Variants in PRKD1 observed in about 807,000 individuals in gnomAD.
PRKD1 encodes protein kinase D1.
In PRKD1, 63 loss-of-function variants were observed where a neutral mutation model predicts 95.9. The observed-to-expected ratio is 0.66, with a 90% CI of 0.54 to 0.81. The LOEUF (loss-of-function observed/expected upper bound fraction) is 0.81. Among genes scored for constraint, PRKD1 ranks in the 30% least tolerant of loss-of-function variants. The probability of loss-of-function intolerance (pLI) is 0.00; values close to 1 mark genes in which losing one functional copy is unlikely to be tolerated. For missense variants in PRKD1, 1,048 were observed against 1,165.3 expected, an observed-to-expected ratio of 0.90 and a Z score of 1.47; for synonymous variants, 425 against 423.1, an observed-to-expected ratio of 1.00 and a Z score of -0.05.
At chr14:29,716,291 G>C (rs1248837566) in intron 2 of PRKD1, among the ~76,000 whole-genome samples, 1 of 152,172 alleles carries the variant, frequency 6.6e-6, no homozygotes, top group African/African-American at 2.4e-5. Context: ...TGTGTGAAGA[G>C]AGAAGCTTGA....
chr14:29,885,127 A>ATT lies in PRKD1; in HGVS notation c.264+42121_264+42122insAA, dbSNP rs1566654295. On this transcript the variant is annotated intron_variant, in intron 1 of 17. Transcript: ENST00000331968. ...AACAGAGCGAGACTCCATCTTTTAA[A>ATT]AAAAAAAAAAAAAAAAGAATTAGTA... Among the ~76,000 whole-genome samples the ATT allele has an allele frequency of 6.9e-3, 1,037 of 149,274 alleles. 9 individuals carry two copies. The highest frequency in any genetic ancestry group is 0.024 in the African/African-American group (979 of 40,610).
At chr14:29,712,980 C>A (rs1018599487) in intron 2 of PRKD1, among the ~76,000 whole-genome samples, 4 of 152,110 alleles carry the variant, frequency 2.6e-5, no homozygotes, top group Non-Finnish European at 5.9e-5. Context: ...TTCAGCTAGC[C>A]ATTTAGTAGC....
chr14:29,801,835 T>C (rs920630012), intron 1 of PRKD1, among the ~76,000 whole-genome samples: 2 of 152,288 alleles, frequency 1.3e-5, no homozygotes, highest in African/African-American at 4.8e-5. Context: ...ATCACAGGCA[T>C]GCGCCAACAC....
intron 1 of PRKD1, among the ~76,000 whole-genome samples, chr14:29,732,376 C>T (rs1886483674): frequency 6.6e-6 from 1 of 151,736 alleles, no homozygotes; most frequent in Non-Finnish European, 1.5e-5. Flanking sequence ...CTATTTCACA[C>T]ACAATGACCT....
At chr14:29,834,481 T>C (rs2139301780) in intron 1 of PRKD1, among the ~76,000 whole-genome samples, 1 of 152,262 alleles carries the variant, frequency 6.6e-6, no homozygotes, top group East Asian at 1.9e-4. Context: ...CATATATAAC[T>C]AAATTCTGGG....
At chr14:29,765,505 A>AT (rs1402431521) in intron 1 of PRKD1, among the ~76,000 whole-genome samples, 1 of 152,168 alleles carries the variant, frequency 6.6e-6, no homozygotes, top group Admixed American at 6.5e-5. Context: ...AGAAACACAT[A>AT]TGCTATAGAA....
At chr14:29,771,482 C>A (rs1197766765) in intron 1 of PRKD1, among the ~76,000 whole-genome samples, 1 of 152,096 alleles carries the variant, frequency 6.6e-6, no homozygotes, top group Admixed American at 6.5e-5. Flanking sequence ...AGGTGGTAAA[C>A]CTTGGTGGTG....
intron 1 of PRKD1, among the ~76,000 whole-genome samples, chr14:29,825,229 CA>C (rs1270571775): frequency 1.3e-5 from 2 of 151,970 alleles, no homozygotes; most frequent in African/African-American, 4.8e-5. Context: ...AATACTTACA[CA>C]GTCAAAAGGG....
At chr14:29,703,140 A>G (rs1884921708) in intron 2 of PRKD1, among the ~76,000 whole-genome samples, 1 of 152,114 alleles carries the variant, frequency 6.6e-6, no homozygotes, top group South Asian at 2.1e-4. Flanking sequence ...TTACCTCATC[A>G]ATATTTACCA....
chr14:29,596,276 T>G (rs545185093), intron 16 of PRKD1, among the ~76,000 whole-genome samples: 14 of 152,340 alleles, frequency 9.2e-5, no homozygotes, highest in African/African-American at 3.4e-4. Flanking sequence ...AAGAGATGTT[T>G]ACAAATGTAC....
At chr14:29,634,358 T>G (rs1880223503) in intron 8 of PRKD1, 60 bp downstream of exon 8, 2 of 1,611,812 alleles carry the variant, frequency 1.2e-6, no homozygotes, top group Admixed American at 1.7e-5. Flanking sequence ...CACGGGACAT[T>G]AGCAACTCCT....
intron 2 of PRKD1, among the ~76,000 whole-genome samples, chr14:29,724,618 T>C (rs986106445): frequency 1.3e-5 from 2 of 152,036 alleles, no homozygotes; most frequent in East Asian, 1.9e-4. Flanking sequence ...CAAAGATAAA[T>C]TGAATTATAA....
At chr14:29,580,071 G>A (rs915312547) in intron 16 of PRKD1, among the ~76,000 whole-genome samples, 2 of 152,146 alleles carry the variant, frequency 1.3e-5, no homozygotes, top group African/African-American at 4.8e-5. Flanking sequence ...GCTTGCTGCA[G>A]CATTACACTG....
At position 29,778,542 on chromosome 14, in the gene PRKD1, A is replaced by T. The variant is rs374332446; in HGVS notation, c.265-52868T>A. Reference sequence around the variant, plus strand: ...CAAATAAACTAGAAAATCTAGAAGAAATAGATAAATTCCTGGACACATACA... The same window carrying T: ...CAAATAAACTAGAAAATCTAGAAGATATAGATAAATTCCTGGACACATACA... On this transcript the variant is annotated intron_variant, in intron 1 of 17. Coordinates refer to ENST00000331968, the MANE Select transcript of PRKD1 (RefSeq NM_002742.3). 1.2e-4 allele frequency among the ~76,000 whole-genome samples: 19 copies of T among 152,340 alleles called. No homozygotes were observed. The East Asian group carries it at 3.7e-3, about 29-fold the overall frequency.
chr14:29,855,775 T>C (rs894856135), intron 1 of PRKD1, among the ~76,000 whole-genome samples: 4 of 152,126 alleles, frequency 2.6e-5, no homozygotes, highest in African/African-American at 9.7e-5. Context: ...ATTCTCCTGA[T>C]GGTGAGTGGG....
intron 2 of PRKD1, among the ~76,000 whole-genome samples, chr14:29,674,823 G>A (rs1883061246): frequency 6.6e-6 from 1 of 152,200 alleles, no homozygotes; most frequent in South Asian, 2.1e-4. Context: ...GGCTTCTCAG[G>A]ACAAATAGCA....
chr14:29,815,239 A>G (rs1890643675), intron 1 of PRKD1, among the ~76,000 whole-genome samples: 1 of 152,270 alleles, frequency 6.6e-6, no homozygotes, highest in African/African-American at 2.4e-5. Context: ...AGAAACATCT[A>G]AATTACTTAA....
At chr14:29,890,710 G>A (rs1464841126) in intron 1 of PRKD1, among the ~76,000 whole-genome samples, 1 of 152,034 alleles carries the variant, frequency 6.6e-6, no homozygotes, top group South Asian at 2.1e-4. Context: ...ACCCTTCTAA[G>A]GGAAGAAAGT....
intron 7 of PRKD1, among the ~76,000 whole-genome samples, chr14:29,635,020 C>T (rs1398305708): frequency 6.6e-6 from 1 of 150,426 alleles, no homozygotes; most frequent in African/African-American, 2.4e-5. Flanking sequence ...GGTGACAGAG[C>T]AAGACTCCAT....
Sources: gnomAD v4.1 joint callset for allele counts (sites outside exome capture counted in the v4.1 genomes callset) on GRCh38, gnomAD v4.1.1 for gene constraint, MANE v1.5 for transcripts, NCBI Gene and HGNC (gene_info 2026-07-23, HGNC 2026-07-21) for gene names.